MTMR8: variants seen among roughly 807,000 people sequenced by gnomAD.
The protein encoded by MTMR8 is myotubularin related protein 8.
A neutral mutation model predicts 39.3 loss-of-function variants in MTMR8; 65 were observed. The observed-to-expected ratio is 1.65, with a 90% CI of 1.35 to 2.03. The LOEUF is 2.03. Ranked by LOEUF, MTMR8 falls within the 30% of genes most tolerant of loss-of-function variation. MTMR8 has a pLI of 0.00. For missense variants in MTMR8, 777 were observed against 538.9 expected (o/e 1.44, Z -4.37); for synonymous variants, 245 against 185.2 (o/e 1.32, Z -2.62).
Position 64,343,697 on chromosome X carries a change from T to C in MTMR8, c.889A>G (p.Met297Val). The C allele has an allele frequency of 8.3e-7, 1 of 1,202,176 alleles. No homozygotes were observed. The change falls in exon 8 of 14, where the codon ATG (methionine) becomes GTG (valine). Residue 297 changes from methionine (M) to valine (V), a missense_variant. By Grantham distance (21) the Met-to-Val change is conservative (BLOSUM62 1). Coordinates refer to ENST00000374852, the MANE Select transcript of MTMR8 (RefSeq NM_017677.4). ...LEVCELKTPT[M>V]SEFLSGLESS... ...TCCAGGCCGCTAAGAAATTCACTCA[T>C]TGTTGGAGTTTTCAATTCACAAACT...
chrX:64,349,159 GGCA>G (rs1396215245), intron 5 of MTMR8, among the ~76,000 whole-genome samples: 2 of 111,735 alleles, frequency 1.8e-5, no homozygotes, highest in African/African-American at 6.5e-5. Flanking sequence ...AGCTTGCGGA[GGCA>G]GCAGAATTCA....
rs183083804 is a variant in MTMR8, at chrX:64,321,049, A to C, written c.1481+7723T>G. On this transcript the variant is annotated intron_variant, in intron 12 of 13. Transcript: ENST00000374852. ...TAGAAAAGCTACTAAACTAACAATT[A>C]CAACCCACAACAAGTAGCAACAAAA... Among the ~76,000 whole-genome samples, 13 of 112,117 alleles carry C rather than the reference A, an allele frequency of 1.2e-4. No homozygotes were observed. The Admixed American group carries it at 1.2e-3, about 11-fold the overall frequency.
intron 5 of MTMR8, 65 bp from the exon 6 acceptor site, chrX:64,348,859 C>A: frequency 1.7e-6 from 2 of 1,150,248 alleles, no homozygotes; most frequent in Non-Finnish European, 2.4e-6. Flanking sequence ...CTTTCTTGAC[C>A]CTTGCCAGGT....
chrX:64,330,041 CT>C (rs1170385962), intron 11 of MTMR8, among the ~76,000 whole-genome samples: 1 of 111,680 alleles, frequency 9.0e-6, no homozygotes, highest in Non-Finnish European at 1.9e-5. Context: ...CCAAGTCTGC[CT>C]GATTCTAAAG....
At chrX:64,297,347 T>C (rs1490712131) in intron 12 of MTMR8, among the ~76,000 whole-genome samples, 48 of 109,702 alleles carry the variant, frequency 4.4e-4, no homozygotes, top group Non-Finnish European at 7.6e-4. Context: ...ATGAGCATTT[T>C]TTCATGTGTT....
chrX:64,355,277 G>A (rs764913486), intron 3 of MTMR8, among the ~76,000 whole-genome samples: 1 of 111,934 alleles, frequency 8.9e-6, no homozygotes, highest in East Asian at 2.8e-4. Context: ...TTTTAACTGG[G>A]CTCCCATGTC....
At chrX:64,283,612 C>T (rs1184426304) in intron 12 of MTMR8, among the ~76,000 whole-genome samples, 1 of 111,988 alleles carries the variant, frequency 8.9e-6, no homozygotes, top group Non-Finnish European at 1.9e-5. Flanking sequence ...GCTGGGTACC[C>T]CTCTGAGATG....
intron 12 of MTMR8, among the ~76,000 whole-genome samples, chrX:64,275,706 AT>A (rs891648720): frequency 1.8e-5 from 2 of 109,923 alleles, no homozygotes; most frequent in African/African-American, 6.6e-5. Context: ...GGAAAAAAAT[AT>A]TTCCAAAACT....
At chrX:64,365,366 T>C (rs759637530) in intron 1 of MTMR8, among the ~76,000 whole-genome samples, 1 of 108,874 alleles carries the variant, frequency 9.2e-6, no homozygotes, top group African/African-American at 3.4e-5. Context: ...GAGAGAAAGG[T>C]CATGTTACAC....
chrX:64,326,626 A>T (rs1384155985), intron 12 of MTMR8, among the ~76,000 whole-genome samples: 8 of 111,282 alleles, frequency 7.2e-5, no homozygotes, highest in Non-Finnish European at 1.1e-4. Flanking sequence ...ACCCAAAGTG[A>T]TCTACAGATT....
intron 12 of MTMR8, among the ~76,000 whole-genome samples, chrX:64,312,418 A>G (rs1249858819): frequency 8.9e-6 from 1 of 111,976 alleles, no homozygotes; most frequent in Non-Finnish European, 1.9e-5. Context: ...AAACCAGCAC[A>G]AGACACGGAT....
At chrX:64,386,522 C>T (rs1924563180) in intron 1 of MTMR8, among the ~76,000 whole-genome samples, 1 of 111,528 alleles carries the variant, frequency 9.0e-6, no homozygotes, top group African/African-American at 3.3e-5. Flanking sequence ...GGAAAAACAA[C>T]TCACAGGAAT....
chrX:64,392,999 C>T (rs1924731359), intron 1 of MTMR8, among the ~76,000 whole-genome samples: 1 of 111,938 alleles, frequency 8.9e-6, no homozygotes, highest in Admixed American at 9.5e-5. Context: ...GCACTCACAG[C>T]CCTGCCAGGC....
At position 64,288,956 on chromosome X, in the gene MTMR8, A is replaced by G. The variant is rs181682727; in HGVS notation, c.1482-17883T>C. Among the ~76,000 whole-genome samples the G allele has an allele frequency of 4.5e-5, 5 of 110,377 alleles. No homozygotes were observed. The East Asian group carries it at 1.4e-3, about 31-fold the overall frequency. On this transcript the variant is annotated intron_variant, in intron 12 of 13. Transcript: ENST00000374852. ...TGGTTGCAGCTCACCAATATGCCAC[A>G]TGTATACATATGTAACAAACCTGCA...
rs1931673552 is a variant in MTMR8 at position 64,268,349 on chromosome X, CTG to C, written c.*186_*187del. 5.0e-5 allele frequency: 23 copies of C among 458,831 alleles called. No homozygotes were observed. In the South Asian group the frequency reaches 7.7e-4, roughly 15 times the overall value. The allele number at this position is 458,831 out of a possible 1,213,427, so 37.8% of individuals were successfully genotyped here. A position where few individuals can be genotyped will look rare whatever the true frequency, so the allele number is the denominator to read the frequency against. ...ACATATTCTTTCTCTTGCCTACACTCTGTACTGCTTAATATGAACATATTGGT... is the reference window on the plus strand; with the variant it reads ...ACATATTCTTTCTCTTGCCTACACTCTACTGCTTAATATGAACATATTGGT... On this transcript the variant is annotated 3_prime_UTR_variant, in exon 14 of 14. Coordinates refer to ENST00000374852, the MANE Select transcript of MTMR8 (RefSeq NM_017677.4).
intron 12 of MTMR8, among the ~76,000 whole-genome samples, chrX:64,297,878 G>T (rs1921678935): frequency 9.4e-6 from 1 of 106,355 alleles, no homozygotes; most frequent in South Asian, 4.4e-4. Context: ...GTTTGTCAAA[G>T]ATCAGATAGT....
chrX:64,282,774 A>T (rs1471126654), intron 12 of MTMR8, among the ~76,000 whole-genome samples: 53 of 111,743 alleles, frequency 4.7e-4, no homozygotes, highest in Non-Finnish European at 2.1e-4. Flanking sequence ...AAGAGTGAAA[A>T]GGCAACCTGC....
rs759945712 is a variant in MTMR8 at position 64,366,363 on chromosome X, A to T, written c.25-6836T>A. Among the ~76,000 whole-genome samples the T allele has an allele frequency of 2.7e-5, 3 of 111,837 alleles. No individual in the cohort carries two copies. The East Asian group carries it at 8.4e-4, about 31-fold the overall frequency. ...TTGACCACATAGTTGGAAGTAAAGC[A>T]CTCCTCAGAAAATATAAAAGAACAG... On this transcript the variant is annotated intron_variant, in intron 1 of 13. Transcript: ENST00000374852.
intron 5 of MTMR8, among the ~76,000 whole-genome samples, chrX:64,349,075 G>A (rs905372539): frequency 1.8e-5 from 2 of 111,238 alleles, no homozygotes; most frequent in Non-Finnish European, 3.8e-5. Context: ...TTCTATTCTC[G>A]ATATATAATG....
Sources: gnomAD v4.1 joint callset for allele counts (sites outside exome capture counted in the v4.1 genomes callset) on GRCh38, gnomAD v4.1.1 for gene constraint, MANE v1.5 for transcripts, NCBI Gene and HGNC (gene_info 2026-07-23, HGNC 2026-07-21) for gene names.